PDE7B: variants seen among roughly 807,000 people sequenced by gnomAD.
The protein encoded by PDE7B is 3',5'-cyclic-AMP phosphodiesterase 7B.
In PDE7B, 29 loss-of-function variants were observed where a neutral mutation model predicts 56.2. That is an observed-to-expected ratio of 0.52 (90% CI 0.38 to 0.70). PDE7B has a LOEUF of 0.70. PDE7B is among the 30% of genes least tolerant of loss of function. The pLI is 0.00. For synonymous variants in PDE7B, 197 were observed against 196.9 expected (o/e 1.00, Z 0.00); for missense variants, 490 against 565.0 (o/e 0.87, Z 1.35).
intron 1 of PDE7B, among the ~76,000 whole-genome samples, chr6:135,904,179 T>C (rs1265755626): frequency 2.0e-5 from 3 of 152,198 alleles, no homozygotes; most frequent in African/African-American, 7.2e-5. Flanking sequence ...CCAGAATATT[T>C]TCTTTGCCAA....
chr6:135,934,546 G>A (rs1774356939), intron 1 of PDE7B, among the ~76,000 whole-genome samples: 1 of 150,646 alleles, frequency 6.6e-6, no homozygotes, highest in African/African-American at 2.4e-5. Flanking sequence ...GGCCAACGTG[G>A]TGAAACTCTG....
At chr6:136,017,067 G>C (rs1233801855) in intron 2 of PDE7B, among the ~76,000 whole-genome samples, 1 of 152,162 alleles carries the variant, frequency 6.6e-6, no homozygotes, top group Admixed American at 6.5e-5. Flanking sequence ...GTAGCCTGGA[G>C]CCATTTAGCA....
chr6:136,055,620 T>A (rs1233009458), intron 2 of PDE7B, among the ~76,000 whole-genome samples: 1 of 152,266 alleles, frequency 6.6e-6, no homozygotes, highest in Non-Finnish European at 1.5e-5. Context: ...AGAATGTGCA[T>A]GTTTAGATTA....
Position 136,194,377 on chromosome 6 carries a change from A to C in PDE7B, c.*2537A>C, listed in dbSNP as rs950996753. 6 of 152,130 alleles carry C rather than the reference A, an allele frequency of 3.9e-5. No individual in the cohort carries two copies. Among genetic ancestry groups the C allele is most frequent in the Non-Finnish European group, 7.3e-5 (5 of 68,034 alleles). 9.4% of individuals were successfully genotyped at this position (152,130 alleles called of 1,614,324 possible). On this transcript the variant is annotated 3_prime_UTR_variant, in exon 13 of 13. Coordinates refer to ENST00000308191, the MANE Select transcript of PDE7B (RefSeq NM_018945.4). The stretch of plus-strand genomic sequence containing the variant: ...CTTGAAGAAGAGCTCACAGAGAAAA[A>C]ACTACCAAATATCCAATGGGTAAGC...
At chr6:136,159,097 T>C (rs560268313) in intron 8 of PDE7B, among the ~76,000 whole-genome samples, 9 of 152,292 alleles carry the variant, frequency 5.9e-5, no homozygotes, top group African/African-American at 1.9e-4. Flanking sequence ...TTGCAGAAGT[T>C]TATAATCAGC....
At chr6:136,000,981 G>A (rs1382169091) in intron 2 of PDE7B, among the ~76,000 whole-genome samples, 8 of 152,156 alleles carry the variant, frequency 5.3e-5, no homozygotes, top group South Asian at 4.1e-4. Context: ...TCACACAGCC[G>A]GGTACTCCTC....
chr6:136,064,052 A>G (rs1173124778), intron 2 of PDE7B, among the ~76,000 whole-genome samples: 1 of 152,212 alleles, frequency 6.6e-6, no homozygotes. Flanking sequence ...TGTGTGGAGT[A>G]TCATCTGGCT....
At chr6:136,134,960 G>GA (rs111871105) in intron 3 of PDE7B, among the ~76,000 whole-genome samples, 54 of 146,990 alleles carry the variant, frequency 3.7e-4, no homozygotes, top group African/African-American at 8.7e-4. Context: ...AATGGCAATT[G>GA]AAAAAAAAAA....
In PDE7B at chr6:135,947,715, TTGTC is replaced by T. The variant is rs375360392; in HGVS notation, c.82+192_82+195del. ...TGAGAAAAGGTTCTGATTTTCTTAA[TTGTC>T]AGCCAGTCAAGGACCATGCTTCTGA... On this transcript the variant is annotated intron_variant, in intron 2 of 12. Coordinates refer to ENST00000308191, the MANE Select transcript of PDE7B (RefSeq NM_018945.4). Among the ~76,000 whole-genome samples the T allele has an allele frequency of 1.4e-3, 219 of 152,206 alleles. 4 individuals carry two copies. The South Asian group carries it at 0.043, about 30-fold the overall frequency.
At chr6:136,025,635 G>T (rs1302541063) in intron 2 of PDE7B, among the ~76,000 whole-genome samples, 3 of 152,108 alleles carry the variant, frequency 2.0e-5, no homozygotes, top group Non-Finnish European at 4.4e-5. Flanking sequence ...GCTATATAAG[G>T]GTGATATGGA....
In PDE7B at chr6:135,935,190, T is replaced by TTTTATATATATATATATA. The variant is rs1436649469; in HGVS notation, c.22-12273_22-12272insTTATATATATATATATAT. On this transcript the variant is annotated intron_variant, in intron 1 of 12. Coordinates refer to ENST00000308191, the MANE Select transcript of PDE7B (RefSeq NM_018945.4). ...GAGAATTTTATATATATATATTTATTTATATATATATATATATATATATAT... is the reference window on the plus strand; with the variant it reads ...GAGAATTTTATATATATATATTTATTTTTATATATATATATATATATATATATATATATATATATATAT... Among the ~76,000 whole-genome samples the TTTTATATATATATATATA allele has an allele frequency of 1.3e-3, 47 of 36,186 alleles. 4 individuals are homozygous for TTTTATATATATATATATA. The highest frequency in any genetic ancestry group is 0.059 in the Middle Eastern group (2 of 34). 23.7% of individuals were successfully genotyped at this position (36,186 alleles called of 152,430 possible).
intron 2 of PDE7B, among the ~76,000 whole-genome samples, chr6:136,088,011 A>C (rs1025802119): frequency 6.6e-6 from 1 of 152,252 alleles, no homozygotes; most frequent in Non-Finnish European, 1.5e-5. Flanking sequence ...CGTAAGGAAG[A>C]GTGGACAATC....
At chr6:135,949,045 T>C (rs113697627) in intron 2 of PDE7B, among the ~76,000 whole-genome samples, 1 of 152,036 alleles carries the variant, frequency 6.6e-6, no homozygotes, top group African/African-American at 2.4e-5. Flanking sequence ...AATTAACTCA[T>C]TTAATTTTCC....
chr6:135,990,391 C>T (rs1314058373), intron 2 of PDE7B, among the ~76,000 whole-genome samples: 3 of 152,150 alleles, frequency 2.0e-5, no homozygotes, highest in Non-Finnish European at 4.4e-5. Flanking sequence ...CTACTATGAC[C>T]GGCCAGCAAT....
Position 136,015,032 on chromosome 6 carries a change from C to T in PDE7B, c.82+67508C>T, listed in dbSNP as rs117218249. Among the ~76,000 whole-genome samples the T allele has an allele frequency of 1.6e-3, 237 of 152,320 alleles. 1 individual carries two copies. In the East Asian group the frequency reaches 0.026, roughly 17 times the overall value. On this transcript the variant is annotated intron_variant, in intron 2 of 12. Transcript: ENST00000308191. Reference sequence around the variant, plus strand: ...ATACACATATATGCGTGTGCGTGTACGTGTGCAAGCACACAGACACGCACA... The same window carrying T: ...ATACACATATATGCGTGTGCGTGTATGTGTGCAAGCACACAGACACGCACA...
intron 2 of PDE7B, chr6:136,038,451 G>A (rs1265318914): frequency 3.1e-6 from 4 of 1,290,064 alleles, no homozygotes; most frequent in Non-Finnish European, 4.0e-6. Flanking sequence ...AAGCTGGTTT[G>A]GAAATCCAAA....
intron 2 of PDE7B, among the ~76,000 whole-genome samples, chr6:135,966,193 C>T (rs1032439347): frequency 6.6e-6 from 1 of 152,160 alleles, no homozygotes; most frequent in African/African-American, 2.4e-5. Context: ...GATTGGCAAT[C>T]TCGTCCTTAG....
At chr6:135,987,219 A>C (rs1666411234) in intron 2 of PDE7B, among the ~76,000 whole-genome samples, 1 of 152,160 alleles carries the variant, frequency 6.6e-6, no homozygotes, top group African/African-American at 2.4e-5. Context: ...GCACTTTTTA[A>C]ATGATTTGGG....
intron 1 of PDE7B, among the ~76,000 whole-genome samples, chr6:135,937,797 C>T (rs989463712): frequency 2.0e-5 from 3 of 152,188 alleles, no homozygotes; most frequent in Non-Finnish European, 4.4e-5. Flanking sequence ...AGGCTAACCT[C>T]TGAAGGACCA....
Sources: gnomAD v4.1 joint callset for allele counts (sites outside exome capture counted in the v4.1 genomes callset) on GRCh38, gnomAD v4.1.1 for gene constraint, MANE v1.5 for transcripts, NCBI Gene and HGNC (gene_info 2026-07-23, HGNC 2026-07-21) for gene names.